The following ATP10B variants were observed in gnomAD, a reference collection of about 807,000 sequenced individuals.
ATP10B encodes the protein phospholipid-transporting ATPase VB.
ATP10B carries 122 observed loss-of-function variants against 141.2 expected under a neutral mutation model. That is an observed-to-expected ratio of 0.86 (90% confidence interval 0.75 to 1.00). The LOEUF (loss-of-function observed/expected upper bound fraction) is 1.00. Among genes scored for constraint, ATP10B ranks in the 50% least tolerant of loss-of-function variants. ATP10B has a pLI of 0.00. For synonymous variants in ATP10B, 685 were observed against 692.0 expected (o/e 0.99, Z 0.16); for missense variants, 1,876 against 1,825.3 (o/e 1.03, Z -0.51).
intron 1 of ATP10B, among the ~76,000 whole-genome samples, chr5:160,843,509 A>C (rs1775930626): frequency 8.9e-6 from 1 of 112,282 alleles, no homozygotes; most frequent in African/African-American, 3.5e-5. Flanking sequence ...AGCATTGACA[A>C]AAAAAAAAAG....
At chr5:160,853,723 A>G (rs1753921151), upstream of ATP10B, among the ~76,000 whole-genome samples, 3 of 152,198 alleles carry the variant, frequency 2.0e-5, no homozygotes, top group South Asian at 6.2e-4. Flanking sequence ...CAAATTATTT[A>G]TAAAATGTGT....
In ATP10B at chr5:160,628,289, TC is replaced by T. The variant is rs558006056; in HGVS notation, c.1620+3839del. ...TGTGAACAGTGTCACTGAGGCTGGG[TC>T]CCCCCACCCCGATTTGAGACACTGG... On this transcript the variant is annotated intron_variant, in intron 13 of 25. Transcript: ENST00000327245. Among the ~76,000 whole-genome samples the T allele has an allele frequency of 2.0e-3, 302 of 152,194 alleles. 1 individual carries two copies. The highest frequency in any genetic ancestry group is 7.0e-3 in the African/African-American group (291 of 41,530).
Position 160,832,334 on chromosome 5 carries a change from A to G in ATP10B, c.-576+19607T>C, listed in dbSNP as rs1392997434. On this transcript the variant is annotated intron_variant, in intron 1 of 25. Transcript: ENST00000327245. ...TGTCCATCAGTAAGAAATTGCCTGG[A>G]TAAGTGATGGCTCAACCAATATAAC... 3.9e-5 allele frequency among the ~76,000 whole-genome samples: 6 copies of G among 152,292 alleles called. No homozygotes were observed. In the South Asian group the frequency reaches 8.3e-4, roughly 21 times the overall value.
intron 6 of ATP10B, among the ~76,000 whole-genome samples, chr5:160,681,167 A>C (rs773826632): frequency 3.9e-5 from 6 of 152,202 alleles, no homozygotes; most frequent in Non-Finnish European, 8.8e-5. Flanking sequence ...TACTTGTGGC[A>C]AAGAACATCT....
chr5:160,874,266 G>C, the ATP10B span, among the ~76,000 whole-genome samples: 22 of 61,802 alleles, frequency 3.6e-4, no homozygotes, highest in African/African-American at 6.9e-4. Context: ...CACCCCCCAG[G>C]AGGGTACACT....
At chr5:160,789,521 T>C (rs1771416031) in intron 1 of ATP10B, among the ~76,000 whole-genome samples, 1 of 152,138 alleles carries the variant, frequency 6.6e-6, no homozygotes, top group Non-Finnish European at 1.5e-5. Flanking sequence ...ATAGATAAGG[T>C]ACAATAAAAA....
Position 160,688,089 on chromosome 5 carries a change from G to A in ATP10B, c.-15C>T, listed in dbSNP as rs761841022. 42 of 1,607,564 alleles carry A rather than the reference G, an allele frequency of 2.6e-5. No homozygotes were observed. The Admixed American group carries it at 2.7e-4, about 10-fold the overall frequency. On this transcript the variant is annotated 5_prime_UTR_variant, in exon 5 of 26. Coordinates refer to ENST00000327245, the MANE Select transcript of ATP10B (RefSeq NM_025153.3). ...GAGAGGGCCATTTCCAGCAGCAGGC[G>A]AAGATCTGAAAACAGACACAGGAGG... is the stretch of plus-strand genomic sequence containing the variant.
At chr5:160,812,055 A>AGGGAGAGG (rs1554119663) in intron 1 of ATP10B, among the ~76,000 whole-genome samples, 1 of 124,116 alleles carries the variant, frequency 8.1e-6, no homozygotes, top group Non-Finnish European at 1.7e-5. Context: ...AGAGAGAGAG[A>AGGGAGAGG]GAGAGGGAGA....
rs368913170 is a variant in ATP10B at position 160,783,446 on chromosome 5, C to CATATAT, written c.-331+2107_-331+2112dup. Among the ~76,000 whole-genome samples the CATATAT allele has an allele frequency of 1.3e-3, 151 of 120,572 alleles. 1 individual carries two copies. The highest frequency in any genetic ancestry group is 4.1e-3 in the African/African-American group (132 of 31,870). The allele number at this position is 120,572 out of a possible 152,430, so 79.1% of individuals were successfully genotyped here. ...TATCCATGGATAGATATATCCATCA[C>CATATAT]ATATATATATATATATCATATATAT... On this transcript the variant is annotated intron_variant, in intron 2 of 25. Coordinates refer to ENST00000327245, the MANE Select transcript of ATP10B (RefSeq NM_025153.3).
In ATP10B at chr5:160,688,829, T is replaced by C. The variant is rs905226207; in HGVS notation, c.-90A>G. On this transcript the variant is annotated 5_prime_UTR_variant, in exon 4 of 26. Coordinates refer to ENST00000327245, the MANE Select transcript of ATP10B (RefSeq NM_025153.3). Reference sequence around the variant, plus strand: ...GAGAGGTTCTTTCCTAGGAAATTTGTCCATGAGGTGACTGGGCTGTGCTAC... The same window carrying C: ...GAGAGGTTCTTTCCTAGGAAATTTGCCCATGAGGTGACTGGGCTGTGCTAC... 8 of 985,456 alleles carry C rather than the reference T, an allele frequency of 8.1e-6. No individual in the cohort carries two copies. Among genetic ancestry groups the C allele is most frequent in the Non-Finnish European group, 8.4e-6 (7 of 829,922 alleles). The allele number at this position is 985,456 out of a possible 1,614,324, so 61.0% of individuals were successfully genotyped here.
intron 6 of ATP10B, chr5:160,684,705 T>C: frequency 1.7e-6 from 1 of 586,306 alleles, no homozygotes. Flanking sequence ...TGTAGAGAAC[T>C]GAACAGCTTC....
chr5:160,695,854 A>C (rs1004545348), intron 3 of ATP10B, among the ~76,000 whole-genome samples: 1 of 152,064 alleles, frequency 6.6e-6, no homozygotes, highest in Non-Finnish European at 1.5e-5. Flanking sequence ...TTTTTAAAGC[A>C]CTCTACCCTG....
In ATP10B at chr5:160,688,841, C is replaced by T. The variant is rs145995916; in HGVS notation, c.-102G>A. On this transcript the variant is annotated 5_prime_UTR_variant, in exon 4 of 26. Transcript: ENST00000327245. ...CCTAGGAAATTTGTCCATGAGGTGA[C>T]TGGGCTGTGCTACTGTCCAGTCAGC... 785 of 985,376 alleles carry T rather than the reference C, an allele frequency of 8.0e-4. 5 individuals are homozygous for T. In the African/African-American group the frequency reaches 0.013, roughly 16 times the overall value. 61.0% of individuals were successfully genotyped at this position (985,376 alleles called of 1,614,324 possible).
At chr5:160,694,116 A>G (rs891192845) in intron 3 of ATP10B, among the ~76,000 whole-genome samples, 1 of 152,140 alleles carries the variant, frequency 6.6e-6, no homozygotes. Context: ...CGAAGCACAT[A>G]AGGGTGGGCT....
chr5:160,885,200 A>T, the ATP10B span, among the ~76,000 whole-genome samples: 2 of 152,242 alleles, frequency 1.3e-5, no homozygotes, highest in Admixed American at 6.5e-5. Flanking sequence ...GTAAACAGAG[A>T]AAACTGATGA....
chr5:160,812,698 C>A (rs898036891), intron 1 of ATP10B, among the ~76,000 whole-genome samples: 1 of 150,324 alleles, frequency 6.7e-6, no homozygotes, highest in Non-Finnish European at 1.5e-5. Context: ...TTTGAAAATA[C>A]ACCATCAGAG....
chr5:160,593,689 G>C (rs998174840), intron 22 of ATP10B, among the ~76,000 whole-genome samples: 21 of 152,186 alleles, frequency 1.4e-4, no homozygotes, highest in Non-Finnish European at 2.8e-4. Context: ...TGTAGAACTA[G>C]AATAACTAAT....
At chr5:160,868,569 C>CACACACACAT in the ATP10B span, among the ~76,000 whole-genome samples, 1 of 147,936 alleles carries the variant, frequency 6.8e-6, no homozygotes, top group Non-Finnish European at 1.5e-5. Context: ...CACACACACA[C>CACACACACAT]GATGCAACTA....
intron 2 of ATP10B, among the ~76,000 whole-genome samples, chr5:160,730,065 A>C (rs774021231): frequency 3.1e-4 from 47 of 152,214 alleles, no homozygotes; most frequent in Non-Finnish European, 6.5e-4. Flanking sequence ...TTCTTCTTCC[A>C]AGCACCATCA....
Sources: allele counts gnomAD v4.1 joint callset (sites outside exome capture counted in the v4.1 genomes callset), GRCh38; gene constraint gnomAD v4.1.1; transcripts MANE v1.5; gene names NCBI Gene and HGNC (gene_info 2026-07-23, HGNC 2026-07-21).